The following TTLL6 variants were observed in gnomAD, a reference collection of about 807,000 sequenced individuals.
TTLL6 encodes tubulin polyglutamylase TTLL6.
A neutral mutation model predicts 96.4 loss-of-function variants in TTLL6; 75 were observed. The ratio of observed to expected loss-of-function variants is 0.78; its 90% confidence interval spans 0.65 to 0.94. TTLL6 has a LOEUF of 0.94. Among genes scored for constraint, TTLL6 ranks in the 40% least tolerant of loss-of-function variants. The probability of loss-of-function intolerance (pLI) is 0.00; values close to 1 mark genes in which losing one functional copy is unlikely to be tolerated. For synonymous variants in TTLL6, 411 were observed against 419.4 expected, an observed-to-expected ratio of 0.98 and a Z score of 0.24; for missense variants, 1,030 against 1,093.0, an observed-to-expected ratio of 0.94 and a Z score of 0.81.
At chr17:48,816,783 T>C (rs597106) in intron 1 of TTLL6, among the ~76,000 whole-genome samples, 187 bp downstream of exon 1, 148,895 of 152,144 alleles carry the variant, frequency 0.98, 72,952 homozygotes, top group East Asian at 1. Context: ...AAGGGGGGAG[T>C]CCCGGAGCCG....
intron 9 of TTLL6, 87 bp downstream of exon 9, chr17:48,791,291 T>G: frequency 8.3e-7 from 1 of 1,207,438 alleles, no homozygotes; most frequent in Non-Finnish European, 1.2e-6. Context: ...TTGAAACAAT[T>G]TAGGTGAGCC....
chr17:48,788,341 C>G (rs139128962), intron 10 of TTLL6, among the ~76,000 whole-genome samples: 42 of 152,336 alleles, frequency 2.8e-4, no homozygotes, highest in African/African-American at 9.9e-4. Flanking sequence ...TTACCCTTTT[C>G]TAGAGAGTGG....
intron 13 of TTLL6, among the ~76,000 whole-genome samples, chr17:48,772,055 G>A (rs767905556): frequency 1.3e-5 from 2 of 151,544 alleles, no homozygotes; most frequent in African/African-American, 2.4e-5. Flanking sequence ...AGAAGCCTGG[G>A]TAACAAAGCA....
chr17:48,804,484 A>G (rs1334050663), intron 2 of TTLL6: 2 of 569,628 alleles, frequency 3.5e-6, no homozygotes, highest in East Asian at 4.1e-5. Flanking sequence ...CCTTCTTAAA[A>G]CAAGGAAATC....
intron 8 of TTLL6, among the ~76,000 whole-genome samples, 152 bp downstream of exon 8, chr17:48,795,909 T>C (rs1040415574): frequency 6.6e-6 from 1 of 152,174 alleles, no homozygotes; most frequent in African/African-American, 2.4e-5. Flanking sequence ...ATGAAGGAAT[T>C]TGTTCTGGGT....
intron 13 of TTLL6, among the ~76,000 whole-genome samples, chr17:48,782,105 C>CTTTTTTT (rs34486928): frequency 8.2e-6 from 1 of 122,606 alleles, no homozygotes; most frequent in African/African-American, 3.0e-5. Flanking sequence ...TTTTTCTTTT[C>CTTTTTTT]TTTTTTTTTT....
chr17:48,777,048 A>ACACACACC lies in TTLL6; in HGVS notation c.2041-6952_2041-6951insGGTGTGTG, dbSNP rs553043046. On this transcript the variant is annotated intron_variant, in intron 13 of 15. Transcript: ENST00000393382. ...CACACACACACACACACACACACAC[A>ACACACACC]CCCCTAAAAAATCAAAGGAACAGAA... Among the ~76,000 whole-genome samples the ACACACACC allele has an allele frequency of 5.1e-3, 753 of 148,532 alleles. 4 individuals carry two copies. The highest frequency in any genetic ancestry group is 0.016 in the South Asian group (70 of 4,344).
At chr17:48,797,870 G>T (rs1024194873) in intron 6 of TTLL6, among the ~76,000 whole-genome samples, 1 of 150,590 alleles carries the variant, frequency 6.6e-6, no homozygotes, top group East Asian at 2.0e-4. Context: ...TTGGGAGGCC[G>T]AAGAGGGAGG....
Position 48,817,077 on chromosome 17 carries a change from T to G in TTLL6, c.-5A>C. The G allele has an allele frequency of 1.3e-6, 2 of 1,540,102 alleles. No individual in the cohort carries two copies. The highest frequency in any genetic ancestry group is 1.7e-6 in the Non-Finnish European group (2 of 1,144,154). Reference sequence around the variant, plus strand: ...ATGAAGGAGTAACGCTCCCATTGGCTGCCAGACAGCCCCAACCCCAACCCG... The same window carrying G: ...ATGAAGGAGTAACGCTCCCATTGGCGGCCAGACAGCCCCAACCCCAACCCG... On this transcript the variant is annotated 5_prime_UTR_variant, in exon 1 of 16. Coordinates refer to ENST00000393382, the MANE Select transcript of TTLL6 (RefSeq NM_001130918.3).
intron 1 of TTLL6, among the ~76,000 whole-genome samples, chr17:48,816,764 G>A (rs1470344059): frequency 6.6e-6 from 1 of 152,164 alleles, no homozygotes; most frequent in African/African-American, 2.4e-5. Flanking sequence ...GTTAATAAGA[G>A]GGACTGAGAA....
chr17:48,808,594 T>C (rs2039538254), intron 1 of TTLL6, among the ~76,000 whole-genome samples: 1 of 152,070 alleles, frequency 6.6e-6, no homozygotes, highest in African/African-American at 2.4e-5. Flanking sequence ...TTTGAGATGG[T>C]GTCTCATTCT....
chr17:48,794,702 C>A (rs888365233), intron 8 of TTLL6, among the ~76,000 whole-genome samples: 3 of 152,202 alleles, frequency 2.0e-5, no homozygotes, highest in African/African-American at 7.2e-5. Context: ...CTTTAAGCAG[C>A]CTTAACTTAG....
chr17:48,776,888 G>C (rs1451074273), intron 13 of TTLL6, among the ~76,000 whole-genome samples: 1 of 152,006 alleles, frequency 6.6e-6, no homozygotes, highest in Non-Finnish European at 1.5e-5. Context: ...AAATGCAAAG[G>C]ACCTAGAAGA....
intron 13 of TTLL6, among the ~76,000 whole-genome samples, chr17:48,771,931 C>A (rs1307584223): frequency 6.6e-6 from 1 of 151,808 alleles, no homozygotes; most frequent in South Asian, 2.1e-4. Context: ...AAAAATTAGC[C>A]GGGCATGGTG....
At chr17:48,816,852 T>C (rs1020604138) in intron 1 of TTLL6, 118 bp downstream of exon 1, 2 of 705,344 alleles carry the variant, frequency 2.8e-6, no homozygotes, top group Non-Finnish European at 4.3e-6. Context: ...GGCAGCGGGC[T>C]ACCCTGGGGA....
At chr17:48,810,139 CAAAAA>C (rs59291777) in intron 1 of TTLL6, among the ~76,000 whole-genome samples, 1 of 61,682 alleles carries the variant, frequency 1.6e-5, no homozygotes, top group Non-Finnish European at 3.4e-5. Context: ...AACTCTGTCT[CAAAAA>C]AAAAAAAAAA....
chr17:48,768,844 G>A, intron 15 of TTLL6, 145 bp downstream of exon 15: 1 of 912,320 alleles, frequency 1.1e-6, no homozygotes. Flanking sequence ...ACCCAGCCAG[G>A]GTCACATTTT....
chr17:48,802,138 GAAAGAAAGA>G lies in TTLL6; in HGVS notation c.362-504_362-496del, dbSNP rs1567733766. ...AGAAAGAAAGAAAGAAAGAAAGAAA[GAAAGAAAGA>G]AAGAAAATAAAGGAACATGGAGAGT... On this transcript the variant is annotated intron_variant, in intron 3 of 15. Coordinates refer to ENST00000393382, the MANE Select transcript of TTLL6 (RefSeq NM_001130918.3). Among the ~76,000 whole-genome samples the G allele has an allele frequency of 1.1e-3, 121 of 110,480 alleles. 1 individual carries two copies. Among genetic ancestry groups the G allele is most frequent in the Middle Eastern group, 5.7e-3 (1 of 176 alleles). The allele number at this position is 110,480 out of a possible 152,430, so 72.5% of individuals were successfully genotyped here. A position where few individuals can be genotyped will look rare whatever the true frequency, so the allele number is the denominator to read the frequency against.
At chr17:48,794,035 A>G (rs1461044012) in intron 8 of TTLL6, among the ~76,000 whole-genome samples, 3 of 152,168 alleles carry the variant, frequency 2.0e-5, no homozygotes, top group Non-Finnish European at 4.4e-5. Flanking sequence ...CCTGGAGCCC[A>G]AGGGAGACAG....
Sources: allele counts gnomAD v4.1 joint callset (sites outside exome capture counted in the v4.1 genomes callset), GRCh38; gene constraint gnomAD v4.1.1; transcripts MANE v1.5; gene names NCBI Gene and HGNC (gene_info 2026-07-23, HGNC 2026-07-21).